The following LINGO2 variants were observed in gnomAD, a reference collection of about 807,000 sequenced individuals.
The protein encoded by LINGO2 is leucine-rich repeat and immunoglobulin-like domain-containing nogo receptor-interacting protein 2.
In LINGO2, 14 loss-of-function variants were observed where a neutral mutation model predicts 30.6. That is an observed-to-expected ratio of 0.46 (90% CI 0.30 to 0.72). The LOEUF (loss-of-function observed/expected upper bound fraction) is 0.72. Ranked by LOEUF, LINGO2 falls within the 30% of genes least tolerant of loss-of-function variation. The pLI, the probability that LINGO2 is intolerant of heterozygous loss-of-function variation, is 0.07. For missense variants in LINGO2, 729 were observed against 751.7 expected (o/e 0.97, Z 0.35); for synonymous variants, 317 against 288.5 (o/e 1.10, Z -1.00).
the LINGO2 span, among the ~76,000 whole-genome samples, chr9:28,942,919 C>T: frequency 2.6e-5 from 4 of 152,016 alleles, no homozygotes; most frequent in East Asian, 7.7e-4. Context: ...ATCTAAGAGG[C>T]TTAAGGGAAT....
intron 4 of LINGO2, among the ~76,000 whole-genome samples, chr9:28,082,370 T>C (rs995850712): frequency 4.6e-5 from 7 of 152,144 alleles, no homozygotes; most frequent in African/African-American, 1.7e-4. Flanking sequence ...GATTACAAAT[T>C]GTCAGATTTA....
chr9:28,270,818 G>A (rs1368110592), intron 4 of LINGO2, among the ~76,000 whole-genome samples: 2 of 152,092 alleles, frequency 1.3e-5, no homozygotes, highest in African/African-American at 2.4e-5. Flanking sequence ...GGCATATCCT[G>A]TTTAAGTGTT....
intron 5 of LINGO2, among the ~76,000 whole-genome samples, chr9:27,985,439 C>T (rs551291783): frequency 3.9e-5 from 6 of 151,916 alleles, no homozygotes; most frequent in Non-Finnish European, 8.8e-5. Context: ...CATTTGGACT[C>T]AGGAGCCCTT....
the LINGO2 span, among the ~76,000 whole-genome samples, chr9:28,686,851 C>T: frequency 9.8e-4 from 149 of 152,058 alleles, 1 homozygote; most frequent in Non-Finnish European, 1.8e-3. Context: ...TATTTAAACG[C>T]CCATGGCCCA....
chr9:28,033,777 T>C (rs1823798486), intron 4 of LINGO2, among the ~76,000 whole-genome samples: 1 of 152,172 alleles, frequency 6.6e-6, no homozygotes, highest in African/African-American at 2.4e-5. Context: ...GCTAAATTCG[T>C]TAGGAAGACA....
the LINGO2 span, among the ~76,000 whole-genome samples, chr9:29,070,082 C>A: frequency 3.9e-3 from 554 of 140,522 alleles, 2 homozygotes; most frequent in African/African-American, 0.015. Flanking sequence ...TATACACACA[C>A]ACATACACAT....
At chr9:28,231,237 AAGG>A (rs1329097107) in intron 4 of LINGO2, among the ~76,000 whole-genome samples, 1 of 151,990 alleles carries the variant, frequency 6.6e-6, no homozygotes, top group African/African-American at 2.4e-5. Flanking sequence ...TTGGAAGGTG[AAGG>A]AGGACAACAT....
the LINGO2 span, among the ~76,000 whole-genome samples, chr9:29,079,145 G>GA: frequency 0.2 from 29,824 of 150,634 alleles, 3,075 homozygotes; most frequent in African/African-American, 0.24. Flanking sequence ...ATGTTGACAT[G>GA]AAAAAAAAAT....
At chr9:28,827,250 A>AT in the LINGO2 span, among the ~76,000 whole-genome samples, 1 of 152,154 alleles carries the variant, frequency 6.6e-6, no homozygotes, top group African/African-American at 2.4e-5. Context: ...TCCAATATTC[A>AT]TGGTAACTAG....
chr9:28,930,431 A>C, the LINGO2 span, among the ~76,000 whole-genome samples: 3 of 152,206 alleles, frequency 2.0e-5, no homozygotes, highest in Non-Finnish European at 4.4e-5. The surrounding 1 kb of genome is among the most constrained non-coding windows in gnomAD (Gnocchi z 4.2). Context: ...TGACTCTTGC[A>C]AGCCAGCTAT....
chr9:28,106,258 A>G (rs1014469891), intron 4 of LINGO2, among the ~76,000 whole-genome samples: 1 of 152,128 alleles, frequency 6.6e-6, no homozygotes, highest in East Asian at 1.9e-4. Flanking sequence ...AGTCTGTGGC[A>G]TTTTGTTATG....
intron 4 of LINGO2, among the ~76,000 whole-genome samples, chr9:28,287,090 C>A (rs1001020353): frequency 1.5e-4 from 23 of 152,154 alleles, no homozygotes; most frequent in African/African-American, 4.8e-4. Flanking sequence ...AGGCCCTGAC[C>A]TCAAGCACAT....
the LINGO2 span, among the ~76,000 whole-genome samples, chr9:28,848,353 T>TAC: frequency 8.9e-6 from 1 of 112,950 alleles, no homozygotes; most frequent in Non-Finnish European, 1.8e-5. Context: ...TATATATATA[T>TAC]ACACATATAT....
chr9:29,014,379 T>C, the LINGO2 span, among the ~76,000 whole-genome samples: 3 of 152,186 alleles, frequency 2.0e-5, no homozygotes, highest in Non-Finnish European at 2.9e-5. Context: ...TTGGGTTAGA[T>C]ACCTCAGGGT....
intron 4 of LINGO2, among the ~76,000 whole-genome samples, chr9:28,018,873 A>G (rs1477979984): frequency 6.6e-6 from 1 of 152,178 alleles, no homozygotes; most frequent in Non-Finnish European, 1.5e-5. Context: ...TACTATATAC[A>G]GATACATGCA....
intron 1 of LINGO2, among the ~76,000 whole-genome samples, chr9:28,546,139 G>A (rs1318544506): frequency 6.6e-6 from 1 of 151,924 alleles, no homozygotes; most frequent in Non-Finnish European, 1.5e-5. Flanking sequence ...TAAATTAAGG[G>A]AGGTGTGAAA....
Position 28,381,448 on chromosome 9 carries a change from C to T in LINGO2, c.-278-8580G>A, listed in dbSNP as rs374287497. Among the ~76,000 whole-genome samples the T allele has an allele frequency of 4.6e-5, 7 of 151,894 alleles. No individual in the cohort carries two copies. The East Asian group carries it at 5.8e-4, about 13-fold the overall frequency. On this transcript the variant is annotated intron_variant, in intron 2 of 5. Coordinates refer to ENST00000379992, the Ensembl canonical transcript of LINGO2. The stretch of plus-strand genomic sequence containing the variant: ...GGTAAAAGATCTCAGGAATCACAGC[C>T]GCTCATGGAATACAGGACATAATTA...
At chr9:29,022,303 A>G in the LINGO2 span, among the ~76,000 whole-genome samples, 1 of 152,184 alleles carries the variant, frequency 6.6e-6, no homozygotes. Flanking sequence ...AGTCCCAGGG[A>G]AAGTGTTTCT....
the LINGO2 span, among the ~76,000 whole-genome samples, chr9:28,799,903 T>G: frequency 2.3e-4 from 35 of 152,214 alleles, no homozygotes; most frequent in Admixed American, 2.0e-3. Flanking sequence ...AATGCATCTC[T>G]GAAATTATAG....
Sources: gnomAD v4.1 joint callset for allele counts (sites outside exome capture counted in the v4.1 genomes callset) on GRCh38, gnomAD v4.1.1 for gene constraint, Gnocchi (gnomAD v3.1) non-coding constraint, MANE v1.5 for transcripts, NCBI Gene and HGNC (gene_info 2026-07-23, HGNC 2026-07-21) for gene names.